The following NLK variants were observed in gnomAD, a reference collection of about 807,000 sequenced individuals.
NLK encodes serine/threonine-protein kinase NLK.
A neutral mutation model predicts 59.0 loss-of-function variants in NLK; 11 were observed. That is an observed-to-expected ratio of 0.19 (90% CI 0.12 to 0.31). The LOEUF is 0.31. Among genes scored for constraint, NLK ranks in the 10% least tolerant of loss-of-function variants. The pLI is 1.00. For synonymous variants in NLK, 235 were observed against 235.9 expected, an observed-to-expected ratio of 1.00 and a Z score of 0.03; for missense variants, 410 against 661.1, an observed-to-expected ratio of 0.62 and a Z score of 4.16.
chr17:28,061,775 CAT>C (rs1567702373), intron 1 of NLK, among the ~76,000 whole-genome samples: 2 of 144,036 alleles, frequency 1.4e-5, no homozygotes, highest in African/African-American at 5.1e-5. Context: ...TACATATATA[CAT>C]ATACATATAT....
At chr17:28,072,324 T>C (rs779648117) in intron 1 of NLK, among the ~76,000 whole-genome samples, 2 of 150,868 alleles carry the variant, frequency 1.3e-5, no homozygotes, top group East Asian at 1.9e-4. Flanking sequence ...TCTTCTTCTT[T>C]TTCTTTTTTT....
At chr17:28,163,749 G>T in intron 5 of NLK, 121 bp downstream of exon 5, 2 of 622,892 alleles carry the variant, frequency 3.2e-6, no homozygotes, top group East Asian at 2.9e-5. Context: ...AGTTAACCCA[G>T]TTTTCTCCAT....
intron 1 of NLK, among the ~76,000 whole-genome samples, chr17:28,056,628 A>G (rs1909453708): frequency 6.6e-6 from 1 of 152,222 alleles, no homozygotes; most frequent in South Asian, 2.1e-4. Context: ...TTTCTGATTA[A>G]ATGTCACAGA....
At chr17:28,197,934 A>G (rs775011860), downstream of NLK, among the ~76,000 whole-genome samples, 7 of 152,208 alleles carry the variant, frequency 4.6e-5, no homozygotes, top group Admixed American at 6.5e-5. Flanking sequence ...CTTCAAGAGG[A>G]AGAAAAAGAA....
intron 7 of NLK, among the ~76,000 whole-genome samples, chr17:28,174,064 C>T (rs1908576955): frequency 1.3e-5 from 2 of 152,290 alleles, no homozygotes; most frequent in African/African-American, 4.8e-5. Context: ...TGTCTGCTGT[C>T]TAGATAGAAC....
At chr17:28,110,945 C>T (rs1158476217) in intron 1 of NLK, among the ~76,000 whole-genome samples, 1 of 144,866 alleles carries the variant, frequency 6.9e-6, no homozygotes, top group Admixed American at 6.8e-5. Context: ...CCCGGGTTCA[C>T]GCCATTCTCC....
rs977447699 is a variant in NLK, at chr17:28,112,896, C to T, written c.459-9707C>T. 3.1e-4 allele frequency among the ~76,000 whole-genome samples: 47 copies of T among 151,932 alleles called. 1 individual carries two copies. The highest frequency in any genetic ancestry group is 2.8e-3 in the Admixed American group (42 of 15,252). ...AAATGTTTGTTTTTTTTTAAGCAAG[C>T]AGATTCCTTTGGAATTCTACAACAT... On this transcript the variant is annotated intron_variant, in intron 1 of 10. Coordinates refer to ENST00000407008, the MANE Select transcript of NLK (RefSeq NM_016231.5).
chr17:28,106,018 G>A (rs970887665), intron 1 of NLK, among the ~76,000 whole-genome samples: 4 of 152,150 alleles, frequency 2.6e-5, no homozygotes, highest in African/African-American at 9.7e-5. Context: ...GGAGTAAATT[G>A]CAGTATTTTT....
At chr17:28,146,960 G>A (rs1191979361) in intron 3 of NLK, among the ~76,000 whole-genome samples, 1 of 152,124 alleles carries the variant, frequency 6.6e-6, no homozygotes, top group Non-Finnish European at 1.5e-5. Context: ...AAAGCTGGAT[G>A]CCTAACACAT....
chr17:28,169,919 A>G (rs769457453), intron 6 of NLK, among the ~76,000 whole-genome samples: 1 of 152,132 alleles, frequency 6.6e-6, no homozygotes, highest in Non-Finnish European at 1.5e-5. Context: ...AAACTTTTAC[A>G]TGAGACAAAA....
At position 28,122,921 on chromosome 17, in the gene NLK, A is replaced by G. The variant is rs554887932; in HGVS notation, c.588+189A>G. Among the ~76,000 whole-genome samples the G allele has an allele frequency of 2.6e-5, 4 of 152,314 alleles. No individual in the cohort carries two copies. In the South Asian group the frequency reaches 8.3e-4, roughly 32 times the overall value. On this transcript the variant is annotated intron_variant, in intron 2 of 10. Transcript: ENST00000407008. ...GGAGAATACCTATTGATAGGCTTTC[A>G]ATTCATACATTCTTATTGAAAGAGA...
At chr17:28,113,170 A>C (rs1905599070) in intron 1 of NLK, among the ~76,000 whole-genome samples, 1 of 152,200 alleles carries the variant, frequency 6.6e-6, no homozygotes. Context: ...TAACACACAT[A>C]CACAAAATAA....
chr17:28,122,879 G>A (rs928869709), intron 2 of NLK, 147 bp downstream of exon 2: 7 of 785,134 alleles, frequency 8.9e-6, no homozygotes, highest in African/African-American at 5.2e-5. Flanking sequence ...AGAAATAAGC[G>A]CACCAGTGAG....
intron 1 of NLK, among the ~76,000 whole-genome samples, chr17:28,120,492 A>G (rs987893804): frequency 9.2e-5 from 14 of 152,240 alleles, no homozygotes; most frequent in African/African-American, 2.4e-4. Flanking sequence ...TGAAAACTCA[A>G]AATTGCCTGT....
At chr17:28,072,244 A>C (rs1910027515) in intron 1 of NLK, among the ~76,000 whole-genome samples, 1 of 151,432 alleles carries the variant, frequency 6.6e-6, no homozygotes, top group Non-Finnish European at 1.5e-5. Flanking sequence ...TCAGCTTTTT[A>C]ATCTAGTCTG....
chr17:28,182,763 G>A (rs1908961206), intron 7 of NLK, among the ~76,000 whole-genome samples: 2 of 151,214 alleles, frequency 1.3e-5, no homozygotes, highest in Admixed American at 6.6e-5. Context: ...GTAACAAAAT[G>A]TAAATGCCCT....
At chr17:28,169,686 A>G (rs892785695) in intron 6 of NLK, among the ~76,000 whole-genome samples, 2 of 145,910 alleles carry the variant, frequency 1.4e-5, no homozygotes, top group Non-Finnish European at 3.0e-5. Flanking sequence ...AAGTTACTTA[A>G]CCTCTGTGTT....
intron 3 of NLK, among the ~76,000 whole-genome samples, chr17:28,158,068 A>T (rs1186959200): frequency 6.6e-6 from 1 of 152,206 alleles, no homozygotes; most frequent in African/African-American, 2.4e-5. Flanking sequence ...TAAGGGAAGA[A>T]GAAAAAGTAA....
intron 1 of NLK, among the ~76,000 whole-genome samples, chr17:28,113,629 G>A (rs1035029896): frequency 2.0e-5 from 3 of 152,106 alleles, no homozygotes; most frequent in African/African-American, 4.8e-5. Flanking sequence ...CTTGGTTTTG[G>A]TGTATTTTAG....
Sources: allele counts gnomAD v4.1 joint callset (sites outside exome capture counted in the v4.1 genomes callset), GRCh38; gene constraint gnomAD v4.1.1; transcripts MANE v1.5; gene names NCBI Gene and HGNC (gene_info 2026-07-23, HGNC 2026-07-21).